Variants in FGF14 observed in about 807,000 individuals in gnomAD.
FGF14 encodes the protein fibroblast growth factor 14.
FGF14 carries 5 observed loss-of-function variants against 25.5 expected under a neutral mutation model. The observed-to-expected ratio is 0.20, with a 90% CI of 0.10 to 0.41. The LOEUF (loss-of-function observed/expected upper bound fraction) is 0.41. Among genes scored for constraint, FGF14 ranks in the 10% least tolerant of loss-of-function variants. The pLI is 1.00. For missense variants in FGF14, 222 were observed against 320.1 expected, an observed-to-expected ratio of 0.69 and a Z score of 2.34; for synonymous variants, 138 against 118.3, an observed-to-expected ratio of 1.17 and a Z score of -1.08.
At chr13:102,052,511 A>G (rs1162374308) in intron 1 of FGF14, among the ~76,000 whole-genome samples, 2 of 144,544 alleles carry the variant, frequency 1.4e-5, no homozygotes, top group Admixed American at 6.9e-5. Context: ...TCAAAGACAG[A>G]GAGGATACTA....
intron 1 of FGF14, among the ~76,000 whole-genome samples, chr13:102,187,239 G>C (rs1016104390): frequency 6.6e-6 from 1 of 152,130 alleles, no homozygotes; most frequent in South Asian, 2.1e-4. Flanking sequence ...AGATAACCCA[G>C]ACATGCATAG....
chr13:101,943,012 A>G (rs966182394), intron 1 of FGF14, among the ~76,000 whole-genome samples: 33 of 152,334 alleles, frequency 2.2e-4, no homozygotes, highest in African/African-American at 7.5e-4. Context: ...TGCCCTGCAC[A>G]GCAGGGGGCC....
At chr13:102,274,356 T>C (rs1238188308) in intron 1 of FGF14, among the ~76,000 whole-genome samples, 1 of 152,190 alleles carries the variant, frequency 6.6e-6, no homozygotes, top group South Asian at 2.1e-4. Context: ...GAATGCTGCA[T>C]GTATCTGTGG....
At chr13:102,161,724 GAAT>G (rs1264947808) in intron 1 of FGF14, among the ~76,000 whole-genome samples, 1 of 149,600 alleles carries the variant, frequency 6.7e-6, no homozygotes, top group Non-Finnish European at 1.5e-5. Context: ...AGAAGAAGAA[GAAT>G]AGAAATGTGT....
intron 1 of FGF14, among the ~76,000 whole-genome samples, chr13:102,166,643 G>A (rs567506771): frequency 4.6e-5 from 7 of 152,288 alleles, no homozygotes; most frequent in East Asian, 3.9e-4. Flanking sequence ...CAACAGAGCC[G>A]TGCTGTCCCT....
At chr13:101,742,805 C>G in intron 3 of FGF14, among the ~76,000 whole-genome samples, 1 of 152,110 alleles carries the variant, frequency 6.6e-6, no homozygotes, top group African/African-American at 2.4e-5. Context: ...TACATACCTC[C>G]CTCGCAATTT....
At chr13:102,281,082 T>A (rs1486320488) in intron 1 of FGF14, among the ~76,000 whole-genome samples, 2 of 152,228 alleles carry the variant, frequency 1.3e-5, no homozygotes, top group East Asian at 1.9e-4. Context: ...TTTCCCCAAG[T>A]GCTTGAGTTT....
intron 1 of FGF14, among the ~76,000 whole-genome samples, chr13:102,256,663 C>T (rs1161840625): frequency 3.3e-5 from 5 of 152,216 alleles, no homozygotes; most frequent in African/African-American, 4.8e-5. Context: ...TTAAGCAGAA[C>T]TTACTTCCTC....
At chr13:102,307,382 C>T (rs1247751079) in intron 1 of FGF14, among the ~76,000 whole-genome samples, 1 of 152,026 alleles carries the variant, frequency 6.6e-6, no homozygotes, top group African/African-American at 2.4e-5. Flanking sequence ...TTTATGCCAC[C>T]AAATCTGTGG....
intron 1 of FGF14, among the ~76,000 whole-genome samples, chr13:102,136,433 T>A (rs1043111013): frequency 2.6e-5 from 4 of 152,040 alleles, no homozygotes; most frequent in Non-Finnish European, 4.4e-5. Flanking sequence ...TTATTACACA[T>A]TTGAGCTCAT....
At chr13:102,106,635 A>G (rs2044934489) in intron 1 of FGF14, among the ~76,000 whole-genome samples, 1 of 152,004 alleles carries the variant, frequency 6.6e-6, no homozygotes, top group African/African-American at 2.4e-5. Flanking sequence ...AGAGAGAGAG[A>G]AAGAAAGAAA....
chr13:102,269,294 G>A (rs1425921956), intron 1 of FGF14, among the ~76,000 whole-genome samples: 7 of 152,152 alleles, frequency 4.6e-5, no homozygotes, highest in African/African-American at 1.7e-4. Context: ...AAAGTTCTTC[G>A]TGTTAACTCT....
intron 1 of FGF14, among the ~76,000 whole-genome samples, chr13:101,934,474 C>A (rs1000473451): frequency 6.6e-6 from 1 of 152,006 alleles, no homozygotes; most frequent in Admixed American, 6.6e-5. Flanking sequence ...CAAGAGGCAA[C>A]TTTTTGGGGT....
intron 3 of FGF14, among the ~76,000 whole-genome samples, chr13:101,807,424 C>T (rs895657149): frequency 1.3e-5 from 2 of 152,106 alleles, no homozygotes; most frequent in Non-Finnish European, 2.9e-5. Context: ...GAAGACTACT[C>T]ACCTTAAATA....
At chr13:102,277,364 C>G (rs1396079577) in intron 1 of FGF14, among the ~76,000 whole-genome samples, 1 of 150,276 alleles carries the variant, frequency 6.7e-6, no homozygotes, top group Non-Finnish European at 1.5e-5. Flanking sequence ...AGAGAATGTC[C>G]CCCTCTCAGC....
chr13:102,129,987 T>C (rs913167356), intron 1 of FGF14, among the ~76,000 whole-genome samples: 1 of 152,164 alleles, frequency 6.6e-6, no homozygotes, highest in Non-Finnish European at 1.5e-5. Context: ...ACCACAAATG[T>C]AGCAGCTTAA....
At chr13:102,149,600 T>C (rs2046993820) in intron 1 of FGF14, among the ~76,000 whole-genome samples, 1 of 152,210 alleles carries the variant, frequency 6.6e-6, no homozygotes, top group Admixed American at 6.5e-5. Context: ...TGGAAAATGC[T>C]CATAAAGGAG....
intron 1 of FGF14, among the ~76,000 whole-genome samples, chr13:102,204,356 T>C (rs2049808736): frequency 6.6e-6 from 1 of 152,022 alleles, no homozygotes; most frequent in Non-Finnish European, 1.5e-5. Context: ...TAAGCTACGA[T>C]TTGGGCTGGA....
Position 101,712,790 on chromosome 13 carries a change from G to T in FGF14, c.*10041C>A, listed in dbSNP as rs2034534890. On this transcript the variant is annotated 3_prime_UTR_variant, in exon 5 of 5. Transcript: ENST00000376143. ...TGTACATTTTTTTATGCCTAGAAAT[G>T]TGAAAGAAAGTCTTCAAAATTAGGA... 1 of 152,124 alleles carries T rather than the reference G, an allele frequency of 6.6e-6. No homozygotes were observed. Among genetic ancestry groups the T allele is most frequent in the African/African-American group, 2.4e-5 (1 of 41,414 alleles). The allele number at this position is 152,124 out of a possible 1,614,324, so 9.4% of individuals were successfully genotyped here. A position where few individuals can be genotyped will look rare whatever the true frequency, so the allele number is the denominator to read the frequency against.
Sources: gnomAD v4.1 joint callset for allele counts (sites outside exome capture counted in the v4.1 genomes callset) on GRCh38, gnomAD v4.1.1 for gene constraint, MANE v1.5 for transcripts, NCBI Gene and HGNC (gene_info 2026-07-23, HGNC 2026-07-21) for gene names.